The following PCDHGB1 variants were observed in gnomAD, a reference collection of about 807,000 sequenced individuals.
PCDHGB1 encodes the protein protocadherin gamma-B1.
In PCDHGB1, 34 loss-of-function variants were observed where a neutral mutation model predicts 56.6. The observed-to-expected ratio is 0.60, with a 90% confidence interval of 0.46 to 0.80. The LOEUF (loss-of-function observed/expected upper bound fraction) is 0.80, where lower values mean the gene tolerates loss of function less well. Ranked by LOEUF, PCDHGB1 falls within the 30% of genes least tolerant of loss-of-function variation. PCDHGB1 has a pLI of 0.00. For missense variants in PCDHGB1, 1,278 were observed against 1,204.6 expected (o/e 1.06, Z -0.90); for synonymous variants, 561 against 505.9 (o/e 1.11, Z -1.46).
chr5:141,476,725 C>G lies in PCDHGB1; in HGVS notation c.2410-18082C>G. On this transcript the variant is annotated intron_variant, in intron 1 of 3. Coordinates refer to ENST00000523390, the MANE Select transcript of PCDHGB1 (RefSeq NM_018922.3). This position sits in a 1 kb window ranked among gnomAD's most constrained non-coding sequence, Gnocchi z 7.6. ...AGCTGGTGTTGGAGCGCGCCCTGGA[C>G]CGAGAACGGGAGCCTAGTCTCCAGT... The G allele has an allele frequency of 6.2e-7, 1 of 1,614,132 alleles. No homozygotes were observed. Among genetic ancestry groups the G allele is most frequent in the Non-Finnish European group, 8.5e-7 (1 of 1,180,038 alleles).
chr5:141,408,568 G>A (rs1282391205), intron 1 of PCDHGB1: 2 of 1,613,936 alleles, frequency 1.2e-6, no homozygotes, highest in African/African-American at 2.7e-5. Flanking sequence ...TCATTGTGGT[G>A]ATTGAGGATG....
intron 1 of PCDHGB1, among the ~76,000 whole-genome samples, chr5:141,363,020 A>G (rs538916334): frequency 6.6e-6 from 1 of 152,380 alleles, no homozygotes; most frequent in South Asian, 2.1e-4. Flanking sequence ...CATGGGTAGG[A>G]CATTGTCCCA....
In PCDHGB1 at chr5:141,477,446, C is replaced by A; in HGVS notation, c.2410-17361C>A. 1 of 1,614,196 alleles carries A rather than the reference C, an allele frequency of 6.2e-7. No homozygotes were observed. The highest frequency in any genetic ancestry group is 8.5e-7 in the Non-Finnish European group (1 of 1,180,022). The stretch of plus-strand genomic sequence containing the variant: ...TTCCCTCTCAGCCCTTACAATAGTG[C>A]GTGTTCAAGTGTCCGACATCAATGA... On this transcript the variant is annotated intron_variant, in intron 1 of 3. Transcript: ENST00000523390. The surrounding 1 kb of genome is among the most constrained non-coding windows in gnomAD (Gnocchi z 4.9).
rs1178458180 is a variant in PCDHGB1 at position 141,384,264 on chromosome 5, A to G, written c.2409+31595A>G. The G allele has an allele frequency of 5.0e-6, 8 of 1,613,664 alleles. No individual in the cohort carries two copies. The African/African-American group carries it at 8.0e-5, about 16-fold the overall frequency. On this transcript the variant is annotated intron_variant, in intron 1 of 3. Transcript: ENST00000523390. ...ATAACCCACCCACCTTCCCCCACTCATCCTACTCAGTCTACATCGCTGAGA... is the reference window on the plus strand; with the variant it reads ...ATAACCCACCCACCTTCCCCCACTCGTCCTACTCAGTCTACATCGCTGAGA...
Position 141,365,430 on chromosome 5 carries a change from C to T in PCDHGB1, c.2409+12761C>T, listed in dbSNP as rs151160787. The stretch of plus-strand genomic sequence containing the variant: ...GACTGTCTTCCCGGAACTGTAATCG[C>T]GCTGTTTAGCGTACATGATGGTGAT... On this transcript the variant is annotated intron_variant, in intron 1 of 3. Coordinates refer to ENST00000523390, the MANE Select transcript of PCDHGB1 (RefSeq NM_018922.3). 2.0e-4 allele frequency: 316 copies of T among 1,613,960 alleles called. 3 individuals are homozygous for T. The East Asian group carries it at 6.1e-3, about 31-fold the overall frequency.
At chr5:141,376,160 C>G in intron 1 of PCDHGB1, 1 of 1,614,010 alleles carries the variant, frequency 6.2e-7, no homozygotes, top group South Asian at 1.1e-5. Context: ...CACTCTGTAC[C>G]TGGTGGTGGC....
chr5:141,466,989 G>C, intron 1 of PCDHGB1, among the ~76,000 whole-genome samples: 1 of 150,922 alleles, frequency 6.6e-6, no homozygotes. Context: ...TTTACCTTTT[G>C]GCATTTTTTT....
intron 1 of PCDHGB1, among the ~76,000 whole-genome samples, chr5:141,406,925 G>A (rs1003832711): frequency 2.0e-5 from 3 of 152,268 alleles, no homozygotes; most frequent in African/African-American, 7.2e-5. Flanking sequence ...AGAGAATAAT[G>A]TATTATTTAA....
rs773048793 is a variant in PCDHGB1, at chr5:141,505,456, A to T, written c.2532A>T (p.Gln844His). The T allele has an allele frequency of 1.3e-5, 21 of 1,614,110 alleles. No homozygotes were observed. The highest frequency in any genetic ancestry group is 1.7e-5 in the Non-Finnish European group (20 of 1,180,044). The change falls in exon 3 of 4, where the codon CAA becomes CAT. Residue 844 changes from glutamine (Q) to histidine (H), a missense_variant. By Grantham distance (24) the Gln-to-His change is conservative (BLOSUM62 0). Coordinates refer to ENST00000523390, the MANE Select transcript of PCDHGB1 (RefSeq NM_018922.3). ...ACCAGTTTGACACAGAGATGCTGCA[A>T]GCCATGATCTTGGCGTCCGCCAGTG... ...PNNQFDTEML[Q>H]AMILASASEA...
rs148558897 is a variant in PCDHGB1, at chr5:141,489,890, G to A, written c.2410-4917G>A. On this transcript the variant is annotated intron_variant, in intron 1 of 3. Coordinates refer to ENST00000523390, the MANE Select transcript of PCDHGB1 (RefSeq NM_018922.3). The surrounding 1 kb of genome is among the most constrained non-coding windows in gnomAD (Gnocchi z 4.5). Reference sequence around the variant, plus strand: ...CAGCTGGTGCTTACTGCTGTGGATGGGGGGACCCCAGCCCGCTCAGGGACC... The same window carrying A: ...CAGCTGGTGCTTACTGCTGTGGATGAGGGGACCCCAGCCCGCTCAGGGACC... 6.2e-7 allele frequency: 1 copy of A among 1,614,198 alleles called. No homozygotes were observed. The highest frequency in any genetic ancestry group is 8.5e-7 in the Non-Finnish European group (1 of 1,180,028).
In PCDHGB1 at chr5:141,383,002, G is replaced by A. The variant is rs376825891; in HGVS notation, c.2409+30333G>A. 8 of 1,613,766 alleles carry A rather than the reference G, an allele frequency of 5.0e-6. No individual in the cohort carries two copies. Among genetic ancestry groups the A allele is most frequent in the East Asian group, 2.2e-5 (1 of 44,884 alleles). On this transcript the variant is annotated intron_variant, in intron 1 of 3. Transcript: ENST00000523390. ...CTGGGCAGGACGTATTCTCTACTCC[G>A]TGTCGGAGGAGACGGACAAAGGGTC...
rs199965876 is a variant in PCDHGB1, at chr5:141,419,464, C to G, written c.2409+66795C>G. ...CCTTCGAGCTCACGCTGCAGGCCCG[C>G]GACCAGGGCTCGCCCGCGCTCAGCG... On this transcript the variant is annotated intron_variant, in intron 1 of 3. Transcript: ENST00000523390. 4 of 1,612,542 alleles carry G rather than the reference C, an allele frequency of 2.5e-6. No homozygotes were observed. In the Admixed American group the frequency reaches 6.7e-5, roughly 27 times the overall value.
rs765754054 is a variant in PCDHGB1 at position 141,503,598 on chromosome 5, CA to C, written c.2469-1779del. Among the ~76,000 whole-genome samples, 277 of 65,728 alleles carry C rather than the reference CA, an allele frequency of 4.2e-3. 2 individuals are homozygous for C. The highest frequency in any genetic ancestry group is 0.012 in the Middle Eastern group (1 of 86). The allele number at this position is 65,728 out of a possible 152,430, so 43.1% of individuals were successfully genotyped here. A position where few individuals can be genotyped will look rare whatever the true frequency, so the allele number is the denominator to read the frequency against. ...TGGGTGACAGAGCGAGACTCCAGCT[CA>C]AAAAAAAAAAAAAAAGAAAAAAGAA... On this transcript the variant is annotated intron_variant, in intron 2 of 3. Coordinates refer to ENST00000523390, the MANE Select transcript of PCDHGB1 (RefSeq NM_018922.3).
chr5:141,451,976 A>T (rs2098729884), intron 1 of PCDHGB1, among the ~76,000 whole-genome samples: 1 of 152,164 alleles, frequency 6.6e-6, no homozygotes, highest in Non-Finnish European at 1.5e-5. Flanking sequence ...TTTTTGCTGT[A>T]GTTTGTTCAT....
At chr5:141,478,050 C>T (rs2099429383) in intron 1 of PCDHGB1, 1 of 1,614,066 alleles carries the variant, frequency 6.2e-7, no homozygotes, top group Non-Finnish European at 8.5e-7. Flanking sequence ...CAGACTCTCA[C>T]GGTCTTGATC....
At chr5:141,482,544 A>AAAC (rs1041838777) in intron 1 of PCDHGB1, among the ~76,000 whole-genome samples, 4 of 151,844 alleles carry the variant, frequency 2.6e-5, no homozygotes, top group Non-Finnish European at 4.4e-5. Context: ...AAAAAAAAAA[A>AAAC]AAAAAGATAA....
rs539072548 is a variant in PCDHGB1 at position 141,421,546 on chromosome 5, A to G, written c.2409+68877A>G. 4.3e-6 allele frequency: 7 copies of G among 1,613,896 alleles called. No homozygotes were observed. The South Asian group carries it at 4.4e-5, about 10-fold the overall frequency. ...GACGGTGTCCTCCTGTTTTTTAAAT[A>G]TGGAACTTCTCGTGGAAGACACCTT... On this transcript the variant is annotated intron_variant, in intron 1 of 3. Transcript: ENST00000523390.
intron 1 of PCDHGB1, chr5:141,408,406 G>T (rs750833105): frequency 5.0e-6 from 8 of 1,614,066 alleles, no homozygotes; most frequent in East Asian, 2.2e-5. Flanking sequence ...AGCTGCGAGT[G>T]AGCGCGGAGA....
At position 141,489,969 on chromosome 5, in the gene PCDHGB1, A is replaced by C. The variant is rs746202385; in HGVS notation, c.2410-4838A>C. On this transcript the variant is annotated intron_variant, in intron 1 of 3. Coordinates refer to ENST00000523390, the MANE Select transcript of PCDHGB1 (RefSeq NM_018922.3). This position sits in a 1 kb window ranked among gnomAD's most constrained non-coding sequence, Gnocchi z 4.5. The stretch of plus-strand genomic sequence containing the variant: ...TCAATGATAATGCTCCAACCTTCCA[A>C]TCCTCAGTTCTACGTGTGGGAATCC... 4 of 1,614,008 alleles carry C rather than the reference A, an allele frequency of 2.5e-6. No individual in the cohort carries two copies.
Sources: allele counts gnomAD v4.1 joint callset (sites outside exome capture counted in the v4.1 genomes callset), GRCh38; gene constraint gnomAD v4.1.1; non-coding constraint Gnocchi (gnomAD v3.1); transcripts MANE v1.5; gene names NCBI Gene and HGNC (gene_info 2026-07-23, HGNC 2026-07-21).